RASAL2: variants seen among roughly 807,000 people sequenced by gnomAD.
The protein encoded by RASAL2 is RAS protein activator like 2.
RASAL2 carries 58 observed loss-of-function variants against 128.9 expected under a neutral mutation model. The observed-to-expected ratio is 0.45, with a 90% CI of 0.36 to 0.56. The LOEUF is 0.56. Among genes scored for constraint, RASAL2 ranks in the 20% least tolerant of loss-of-function variants. The pLI is 0.00. For missense variants in RASAL2, 1,360 were observed against 1,601.6 expected, an observed-to-expected ratio of 0.85 and a Z score of 2.57; for synonymous variants, 561 against 580.8, an observed-to-expected ratio of 0.97 and a Z score of 0.49.
chr1:178,262,228 T>C (rs956718465), intron 1 of RASAL2, among the ~76,000 whole-genome samples: 2 of 152,212 alleles, frequency 1.3e-5, no homozygotes, highest in African/African-American at 2.4e-5. Context: ...AGGAAGGTCG[T>C]GCTCTTGGGC....
At chr1:178,357,726 G>A (rs1670885180) in intron 3 of RASAL2, among the ~76,000 whole-genome samples, 1 of 151,868 alleles carries the variant, frequency 6.6e-6, no homozygotes, top group Non-Finnish European at 1.5e-5. Context: ...TTAAATTTTA[G>A]TCATTTTTAA....
intron 10 of RASAL2, 95 bp downstream of exon 10, chr1:178,451,810 AC>A (rs1220126741): frequency 9.1e-6 from 13 of 1,433,840 alleles, no homozygotes; most frequent in Non-Finnish European, 1.2e-5. Context: ...CACAATGTTA[AC>A]AATTATTTTA....
intron 4 of RASAL2, chr1:178,412,058 T>G: frequency 9.0e-6 from 3 of 334,498 alleles, no homozygotes; most frequent in East Asian, 6.4e-5. Flanking sequence ...ATTGCCATCA[T>G]GTGAAAAAAA....
intron 5 of RASAL2, among the ~76,000 whole-genome samples, chr1:178,435,688 A>G (rs1676208665): frequency 6.6e-6 from 1 of 152,140 alleles, no homozygotes; most frequent in African/African-American, 2.4e-5. Flanking sequence ...ATAAAAATAT[A>G]AAGAATATGG....
At chr1:178,271,561 A>G (rs1332517609) in intron 1 of RASAL2, among the ~76,000 whole-genome samples, 1 of 152,178 alleles carries the variant, frequency 6.6e-6, no homozygotes, top group Non-Finnish European at 1.5e-5. Flanking sequence ...TCTTGGCCTT[A>G]GACAGATGGA....
At chr1:178,289,696 C>T (rs1160442937) in intron 2 of RASAL2, among the ~76,000 whole-genome samples, 1 of 152,094 alleles carries the variant, frequency 6.6e-6, no homozygotes, top group Non-Finnish European at 1.5e-5. Flanking sequence ...TCAACATGCC[C>T]CACACTTCAG....
intron 3 of RASAL2, among the ~76,000 whole-genome samples, chr1:178,377,325 G>C (rs958247642): frequency 5.3e-5 from 8 of 151,928 alleles, no homozygotes; most frequent in Admixed American, 1.3e-4. Flanking sequence ...ATAATATAGA[G>C]ACAATTAGAA....
intron 2 of RASAL2, among the ~76,000 whole-genome samples, chr1:178,286,881 G>C (rs1667055013): frequency 6.6e-6 from 1 of 152,110 alleles, no homozygotes; most frequent in Non-Finnish European, 1.5e-5. Flanking sequence ...TCCTCTCTAA[G>C]GATCCCACCT....
intron 1 of RASAL2, among the ~76,000 whole-genome samples, chr1:178,105,095 A>G (rs1459899998): frequency 1.3e-5 from 2 of 152,244 alleles, no homozygotes; most frequent in East Asian, 3.8e-4. Context: ...TATGTCTTAT[A>G]TAATACTGTG....
intron 4 of RASAL2, among the ~76,000 whole-genome samples, chr1:178,406,514 T>G (rs1383777196): frequency 6.6e-6 from 1 of 152,210 alleles, no homozygotes; most frequent in East Asian, 1.9e-4. Flanking sequence ...AGCATACATT[T>G]ATCAAAACTT....
intron 3 of RASAL2, among the ~76,000 whole-genome samples, chr1:178,354,751 A>G (rs1670709737): frequency 6.6e-6 from 1 of 152,242 alleles, no homozygotes; most frequent in South Asian, 2.1e-4. Context: ...AATCTTTTAA[A>G]AGATGTGTAA....
At chr1:178,170,959 G>A (rs924572198) in intron 1 of RASAL2, among the ~76,000 whole-genome samples, 8 of 151,580 alleles carry the variant, frequency 5.3e-5, no homozygotes, top group African/African-American at 1.9e-4. Flanking sequence ...GGTTTGAATG[G>A]GGGCACCGAA....
In RASAL2 at chr1:178,338,211, C is replaced by G. The variant is rs539802741; in HGVS notation, c.457+38093C>G. 2.0e-5 allele frequency among the ~76,000 whole-genome samples: 3 copies of G among 151,742 alleles called. No individual in the cohort carries two copies. In the East Asian group the frequency reaches 5.9e-4, roughly 30 times the overall value. On this transcript the variant is annotated intron_variant, in intron 3 of 17. Transcript: ENST00000367649. ...GTGGCATGATCTCGGCTCACTGCAA[C>G]ATTTGCCTCCTGGGTTCAAGCGATT... is the stretch of plus-strand genomic sequence containing the variant.
intron 1 of RASAL2, among the ~76,000 whole-genome samples, chr1:178,205,820 C>T (rs886868649): frequency 6.6e-6 from 1 of 152,126 alleles, no homozygotes; most frequent in African/African-American, 2.4e-5. Flanking sequence ...TAGATGTATA[C>T]GTCCTCACCA....
intron 1 of RASAL2, among the ~76,000 whole-genome samples, chr1:178,235,763 T>C (rs1302270824): frequency 6.6e-6 from 1 of 152,198 alleles, no homozygotes; most frequent in African/African-American, 2.4e-5. Flanking sequence ...TCTGGCCTAG[T>C]GTCTACATCA....
At chr1:178,275,686 G>C (rs1360681125) in intron 1 of RASAL2, among the ~76,000 whole-genome samples, 1 of 152,218 alleles carries the variant, frequency 6.6e-6, no homozygotes, top group African/African-American at 2.4e-5. Flanking sequence ...GAACATTCAT[G>C]CTGAACTGTG....
intron 3 of RASAL2, among the ~76,000 whole-genome samples, chr1:178,363,867 C>T (rs370566598): frequency 1.4e-3 from 207 of 152,186 alleles, no homozygotes; most frequent in African/African-American, 4.7e-3. Context: ...GAGGCTGAGG[C>T]GGGCGGATCA....
At chr1:178,168,087 T>A (rs1661578350) in intron 1 of RASAL2, among the ~76,000 whole-genome samples, 1 of 152,118 alleles carries the variant, frequency 6.6e-6, no homozygotes, top group Non-Finnish European at 1.5e-5. Context: ...GATGGCATCC[T>A]GCTTCTGGCA....
Position 178,464,379 on chromosome 1 carries a change from G to A in RASAL2, c.3354G>A (p.Glu1118=). 6.2e-7 allele frequency: 1 copy of A among 1,613,742 alleles called. No homozygotes were observed. The highest frequency in any genetic ancestry group is 8.5e-7 in the Non-Finnish European group (1 of 1,179,790). The change falls in exon 15 of 18, where the codon GAG becomes GAA. Residue 1118 remains glutamate, a synonymous_variant. Transcript: ENST00000367649. The part of the protein sequence containing the change: ...GQYEEDVEET[E]QNLDEAKHAE... The stretch of plus-strand genomic sequence containing the variant: ...ATGAAGAGGATGTGGAAGAAACTGA[G>A]CAAAATCTAGATGAAGCCAAGCATG...
Sources: gnomAD v4.1 joint callset for allele counts (sites outside exome capture counted in the v4.1 genomes callset) on GRCh38, gnomAD v4.1.1 for gene constraint, MANE v1.5 for transcripts, NCBI Gene and HGNC (gene_info 2026-07-23, HGNC 2026-07-21) for gene names.